The following SDK1 variants were observed in gnomAD, a reference collection of about 807,000 sequenced individuals.
SDK1 encodes the protein sidekick cell adhesion molecule 1.
In SDK1, 157 loss-of-function variants were observed where a neutral mutation model predicts 245.5. The observed-to-expected ratio is 0.64, with a 90% CI of 0.56 to 0.73. The LOEUF (loss-of-function observed/expected upper bound fraction) is 0.73, where lower values mean the gene tolerates loss of function less well. SDK1 is among the 30% of genes least tolerant of loss of function. The pLI is 0.00. For missense variants in SDK1, 3,583 were observed against 3,002.3 expected (o/e 1.19, Z -4.52); for synonymous variants, 1,647 against 1,278.5 (o/e 1.29, Z -6.15).
intron 14 of SDK1, among the ~76,000 whole-genome samples, chr7:3,987,818 C>T (rs1032080384): frequency 6.6e-6 from 1 of 152,144 alleles, no homozygotes; most frequent in East Asian, 1.9e-4. Context: ...ATGCTCCTTC[C>T]GTGGGCCACT....
chr7:3,509,040 C>G (rs1037599969), intron 1 of SDK1, among the ~76,000 whole-genome samples: 1 of 151,964 alleles, frequency 6.6e-6, no homozygotes, highest in Non-Finnish European at 1.5e-5. Context: ...GTGAACTCAG[C>G]ATATCAGGGC....
At chr7:3,807,521 G>C (rs1238841230) in intron 4 of SDK1, among the ~76,000 whole-genome samples, 1 of 152,120 alleles carries the variant, frequency 6.6e-6, no homozygotes, top group Non-Finnish European at 1.5e-5. Context: ...TAGCCAGTGG[G>C]GGTATCTGAT....
intron 1 of SDK1, among the ~76,000 whole-genome samples, chr7:3,305,571 C>T (rs1200318564): frequency 4.6e-5 from 7 of 152,306 alleles, no homozygotes; most frequent in African/African-American, 1.4e-4. Context: ...TACTTTGCTT[C>T]CCCTCCTCCT....
intron 16 of SDK1, among the ~76,000 whole-genome samples, chr7:4,015,040 A>G (rs1042034404): frequency 4.6e-5 from 7 of 151,844 alleles, no homozygotes; most frequent in African/African-American, 1.2e-4. Flanking sequence ...TCTCTACCAT[A>G]CTTCTCGGTA....
chr7:4,010,586 T>C (rs1307466786), intron 14 of SDK1, among the ~76,000 whole-genome samples: 5 of 152,242 alleles, frequency 3.3e-5, no homozygotes, highest in East Asian at 1.9e-4. Flanking sequence ...TTCAGTGACA[T>C]GTGCAGCATC....
chr7:3,305,078 G>C (rs1004144641), intron 1 of SDK1, among the ~76,000 whole-genome samples: 4 of 152,140 alleles, frequency 2.6e-5, no homozygotes, highest in African/African-American at 9.7e-5. Context: ...TATGGACCTT[G>C]GGCCTGTGTT....
At chr7:3,988,236 G>T (rs1395513552) in intron 14 of SDK1, among the ~76,000 whole-genome samples, 1 of 146,276 alleles carries the variant, frequency 6.8e-6, no homozygotes, top group African/African-American at 2.5e-5. Flanking sequence ...CCCTAGGAAT[G>T]GTCCCCAATT....
chr7:3,395,984 AT>A (rs1464422047), intron 1 of SDK1, among the ~76,000 whole-genome samples: 1 of 150,722 alleles, frequency 6.6e-6, no homozygotes, highest in Non-Finnish European at 1.5e-5. Context: ...TATTTTCTTC[AT>A]TCTGTTTTCC....
rs577312842 is a variant in SDK1 at position 4,233,236 on chromosome 7, C to T, written c.5828-19C>T. The stretch of plus-strand genomic sequence containing the variant: ...TCGCACTTCTAACCTCTGCTCTCGC[C>T]TCCCCATCCCTCTTGCAGATGAAGG... On this transcript the variant is annotated intron_variant, in intron 40 of 44. Transcript: ENST00000404826. 4 of 1,606,516 alleles carry T rather than the reference C, an allele frequency of 2.5e-6. No homozygotes were observed. Among genetic ancestry groups the T allele is most frequent in the Non-Finnish European group, 2.6e-6 (3 of 1,174,952 alleles).
intron 5 of SDK1, among the ~76,000 whole-genome samples, chr7:3,887,000 GCTA>G (rs1185992892): frequency 6.6e-6 from 1 of 152,170 alleles, no homozygotes; most frequent in Non-Finnish European, 1.5e-5. Context: ...AACCAATGAG[GCTA>G]CGTTAATATT....
rs556158210 is a variant in SDK1, at chr7:4,263,665, T to G, written c.6382-1459T>G. On this transcript the variant is annotated intron_variant, in intron 44 of 44. Coordinates refer to ENST00000404826, the MANE Select transcript of SDK1 (RefSeq NM_152744.4). Reference sequence around the variant, plus strand: ...GGAGGCCGCGTAGACGTCTCCTGAGTGGGGAGGCCGCGTAGACCTCTCCTG... The same window carrying G: ...GGAGGCCGCGTAGACGTCTCCTGAGGGGGGAGGCCGCGTAGACCTCTCCTG... Among the ~76,000 whole-genome samples, 3 of 8,662 alleles carry G rather than the reference T, an allele frequency of 3.5e-4. No individual in the cohort carries two copies. In the African/African-American group the frequency reaches 4.5e-3, roughly 13 times the overall value. 5.7% of individuals were successfully genotyped at this position (8,662 alleles called of 152,430 possible).
intron 25 of SDK1, among the ~76,000 whole-genome samples, chr7:4,119,642 A>G (rs1372124907): frequency 6.7e-6 from 1 of 149,210 alleles, no homozygotes; most frequent in African/African-American, 2.4e-5. Flanking sequence ...AAGAAAATAC[A>G]CAAAAAACTA....
intron 4 of SDK1, among the ~76,000 whole-genome samples, chr7:3,655,590 G>A (rs1008669828): frequency 6.8e-6 from 1 of 147,138 alleles, no homozygotes; most frequent in Admixed American, 6.8e-5. Context: ...ACATACACTT[G>A]CTTATTTGCT....
intron 35 of SDK1, among the ~76,000 whole-genome samples, chr7:4,185,278 G>A (rs984884763): frequency 1.4e-4 from 22 of 152,214 alleles, no homozygotes; most frequent in Non-Finnish European, 3.2e-4. Flanking sequence ...CAGCAGGAGA[G>A]CTCTTCAGAT....
chr7:3,509,931 C>T lies in SDK1; in HGVS notation c.299-109149C>T, dbSNP rs191261343. 2.6e-3 allele frequency among the ~76,000 whole-genome samples: 401 copies of T among 152,282 alleles called. 2 individuals carry two copies. Among genetic ancestry groups the T allele is most frequent in the African/African-American group, 9.2e-3 (381 of 41,554 alleles). On this transcript the variant is annotated intron_variant, in intron 1 of 44. Transcript: ENST00000404826. ...TTAAAATATACAGATGCCAGGGCTTCACCCCAGACTCATTAAATGAAGGTC... is the reference window on the plus strand; with the variant it reads ...TTAAAATATACAGATGCCAGGGCTTTACCCCAGACTCATTAAATGAAGGTC...
chr7:3,397,306 T>C (rs1030200192), intron 1 of SDK1, among the ~76,000 whole-genome samples: 61 of 152,006 alleles, frequency 4.0e-4, no homozygotes, highest in African/African-American at 1.4e-3. Context: ...CTTTCAAATT[T>C]TTTTCATATG....
intron 5 of SDK1, among the ~76,000 whole-genome samples, chr7:3,885,604 G>T (rs77093582): frequency 0.046 from 7,075 of 152,214 alleles, 523 homozygotes; most frequent in African/African-American, 0.16. Flanking sequence ...TGATGGTGTG[G>T]GAGAATTTCG....
intron 2 of SDK1, among the ~76,000 whole-genome samples, chr7:3,634,038 A>C (rs1161377360): frequency 1.3e-5 from 2 of 152,124 alleles, no homozygotes; most frequent in African/African-American, 4.8e-5. Flanking sequence ...CCTGGGCATC[A>C]CCAACCCCAG....
At chr7:3,504,283 T>G (rs1049080587) in intron 1 of SDK1, among the ~76,000 whole-genome samples, 1 of 151,286 alleles carries the variant, frequency 6.6e-6, no homozygotes, top group African/African-American at 2.4e-5. Context: ...TTGTTGTTGT[T>G]GTTGTTGTTG....
Sources: gnomAD v4.1 joint callset for allele counts (sites outside exome capture counted in the v4.1 genomes callset) on GRCh38, gnomAD v4.1.1 for gene constraint, MANE v1.5 for transcripts, NCBI Gene and HGNC (gene_info 2026-07-23, HGNC 2026-07-21) for gene names.